PIEZO1: variants seen among roughly 807,000 people sequenced by gnomAD.
The protein encoded by PIEZO1 is piezo-type mechanosensitive ion channel component 1.
In PIEZO1, 296 loss-of-function variants were observed where a neutral mutation model predicts 297.2. That is an observed-to-expected ratio of 1.00 (90% confidence interval 0.91 to 1.10). PIEZO1 has a LOEUF of 1.10. PIEZO1 is among the 50% of genes least tolerant of loss of function. The probability of loss-of-function intolerance (pLI) is 0.00; values close to 1 mark genes in which losing one functional copy is unlikely to be tolerated. For synonymous variants in PIEZO1, 2,427 were observed against 1,507.5 expected (o/e 1.61, Z -14.13); for missense variants, 5,018 against 3,455.5 (o/e 1.45, Z -11.34).
In PIEZO1 at chr16:88,736,348, T is replaced by A; in HGVS notation, c.1357A>T (p.Ile453Phe). The A allele has an allele frequency of 6.5e-7, 1 of 1,549,982 alleles. No homozygotes were observed. Among genetic ancestry groups the A allele is most frequent in the Non-Finnish European group, 8.7e-7 (1 of 1,146,726 alleles). The change falls in exon 12 of 51, where the codon ATC (isoleucine) becomes TTC (phenylalanine). Residue 453 changes from isoleucine to phenylalanine, a missense_variant. Coordinates refer to ENST00000301015, the MANE Select transcript of PIEZO1 (RefSeq NM_001142864.4). ...TFVLLLWACL[I>F]WTVRSRHQLA... is the part of the protein sequence containing the mutation. ...TGGTGGCGGCTGCGCACCGTCCAGA[T>A]GAGGCAGGCCCAGAGCAGCAGTACG...
chr16:88,733,520 G>C, intron 18 of PIEZO1, 66 bp from the exon 19 acceptor site: 1 of 1,530,172 alleles, frequency 6.5e-7, no homozygotes. Context: ...CTGGGCTTGG[G>C]GAGGCCAGCT....
At chr16:88,725,800 G>A (rs972136575) in intron 27 of PIEZO1, 116 bp from the exon 28 acceptor site, 25 of 649,558 alleles carry the variant, frequency 3.8e-5, no homozygotes, top group Admixed American at 2.3e-4. Flanking sequence ...TGCCCACGCT[G>A]GACAAGAGGC....
intron 2 of PIEZO1, among the ~76,000 whole-genome samples, 180 bp downstream of exon 2, chr16:88,749,204 C>A (rs925495439): frequency 6.6e-6 from 1 of 151,758 alleles, no homozygotes; most frequent in Non-Finnish European, 1.5e-5. Context: ...CGCGCCACTG[C>A]ACTCCAGCCT....
rs1905032064 is a variant in PIEZO1 at position 88,733,765 on chromosome 16, A to AGTGCGGGGCAC, written c.2330-31_2330-21dup. The stretch of plus-strand genomic sequence containing the variant: ...CTGCCCCTGTGATGGTGTGAGGGTC[A>AGTGCGGGGCAC]GTGCGGGGCACAAACGGGGATTCCC... On this transcript the variant is annotated intron_variant, in intron 17 of 50. Coordinates refer to ENST00000301015, the MANE Select transcript of PIEZO1 (RefSeq NM_001142864.4). 2 of 1,509,266 alleles carry AGTGCGGGGCAC rather than the reference A, an allele frequency of 1.3e-6. No homozygotes were observed. Among genetic ancestry groups the AGTGCGGGGCAC allele is most frequent in the Non-Finnish European group, 1.8e-6 (2 of 1,123,946 alleles). The allele number at this position is 1,509,266 out of a possible 1,614,324, so 93.5% of individuals were successfully genotyped here. A position where few individuals can be genotyped will look rare whatever the true frequency, so the allele number is the denominator to read the frequency against.
chr16:88,768,143 T>A (rs959249352), intron 1 of PIEZO1, among the ~76,000 whole-genome samples: 2 of 152,064 alleles, frequency 1.3e-5, no homozygotes, highest in Non-Finnish European at 2.9e-5. Context: ...CCAGCCAACC[T>A]CACGGGCCCA....
At chr16:88,772,114 T>C (rs1907451499) in intron 1 of PIEZO1, among the ~76,000 whole-genome samples, 1 of 138,108 alleles carries the variant, frequency 7.2e-6, no homozygotes, top group Admixed American at 7.1e-5. Flanking sequence ...CCTGAGACTC[T>C]GGTCAGGATG....
intron 1 of PIEZO1, 79 bp downstream of exon 1, chr16:88,784,822 G>C (rs973646800): frequency 1.6e-4 from 172 of 1,060,828 alleles, no homozygotes; most frequent in Admixed American, 4.7e-4. Context: ...GCCCCGGCCG[G>C]CGTCGTCCGG....
chr16:88,725,901 T>A, intron 27 of PIEZO1: 1 of 578,342 alleles, frequency 1.7e-6, no homozygotes, highest in Admixed American at 3.2e-5. Context: ...GGGCGTCTGG[T>A]GGCACCCACC....
In PIEZO1 at chr16:88,753,439, G is replaced by A. The variant is rs182631668; in HGVS notation, c.65-3960C>T. ...TCAGCCTTGCCACAGACACCAAGCA[G>A]GGGCAGCCTCACGGGTGGGATGAGA... is the stretch of plus-strand genomic sequence containing the variant. On this transcript the variant is annotated intron_variant, in intron 1 of 50. Transcript: ENST00000301015. 2.0e-3 allele frequency among the ~76,000 whole-genome samples: 305 copies of A among 151,800 alleles called. 2 individuals carry two copies. Among genetic ancestry groups the A allele is most frequent in the African/African-American group, 7.1e-3 (294 of 41,358 alleles).
chr16:88,715,415 G>A lies in PIEZO1; in HGVS notation c.*190C>T, dbSNP rs965396436. The A allele has an allele frequency of 4.9e-5, 46 of 933,190 alleles. No homozygotes were observed. The highest frequency in any genetic ancestry group is 6.1e-5 in the Non-Finnish European group (39 of 634,550). 57.8% of individuals were successfully genotyped at this position (933,190 alleles called of 1,614,324 possible). The stretch of plus-strand genomic sequence containing the variant: ...TACAGTACACGTGGGGGACGGCAGC[G>A]CCACGCAGGCCGTGGGGACGCAGTG... On this transcript the variant is annotated 3_prime_UTR_variant, in exon 51 of 51. Coordinates refer to ENST00000301015, the MANE Select transcript of PIEZO1 (RefSeq NM_001142864.4).
At chr16:88,732,840 C>G (rs1904956535) in intron 19 of PIEZO1, 108 bp from the exon 20 acceptor site, 3 of 1,153,432 alleles carry the variant, frequency 2.6e-6, no homozygotes, top group East Asian at 5.2e-5. Flanking sequence ...TGCTCCCCAG[C>G]CAGGGACACG....
In PIEZO1 at chr16:88,734,474, C is replaced by T. The variant is rs969196199; in HGVS notation, c.2062G>A (p.Gly688Ser). ...SELFSSILVP[G>S]FFLLACILQL... ...AGGATGCAGGCCAGGAGGAAGAAGC[C>T]GGGCACCAGGATGCTGGAGAAGAGC... The change falls in exon 16 of 51, where the codon GGC becomes AGC. Residue 688 changes from glycine to serine, a missense_variant. Physicochemically the swap from Gly to Ser is moderately conservative, Grantham distance 56. Transcript: ENST00000301015. 19 of 1,549,674 alleles carry T rather than the reference C, an allele frequency of 1.2e-5. No homozygotes were observed. The highest frequency in any genetic ancestry group is 2.4e-5 in the South Asian group (2 of 84,038).
At chr16:88,774,034 G>A (rs1025380652) in intron 1 of PIEZO1, among the ~76,000 whole-genome samples, 1 of 152,188 alleles carries the variant, frequency 6.6e-6, no homozygotes, top group African/African-American at 2.4e-5. Flanking sequence ...CCTCTCCCCT[G>A]GCTTGGAAGT....
intron 1 of PIEZO1, 29 bp downstream of exon 1, chr16:88,784,872 T>G: frequency 1.4e-6 from 2 of 1,401,776 alleles, no homozygotes; most frequent in Non-Finnish European, 1.9e-6. Context: ...CCCCCTCCCG[T>G]CGCCCCCAGG....
chr16:88,736,815 G>A (rs967850535), intron 10 of PIEZO1, 76 bp from the exon 11 acceptor site: 49 of 932,044 alleles, frequency 5.3e-5, no homozygotes, highest in Non-Finnish European at 7.7e-5. Flanking sequence ...CCTAAAATCT[G>A]GGCCCTGGGC....
At chr16:88,735,474 C>G (rs769931538) in intron 12 of PIEZO1, among the ~76,000 whole-genome samples, 5 of 152,286 alleles carry the variant, frequency 3.3e-5, no homozygotes, top group African/African-American at 1.2e-4. Context: ...GGTTCACTTG[C>G]GCTCACACGC....
At chr16:88,755,213 C>T (rs535384919) in intron 1 of PIEZO1, among the ~76,000 whole-genome samples, 4 of 152,352 alleles carry the variant, frequency 2.6e-5, no homozygotes, top group Admixed American at 1.3e-4. Flanking sequence ...CCGCCCCCGC[C>T]GCCCCCGCCA....
Position 88,738,284 on chromosome 16 carries a change from T to C in PIEZO1, c.791A>G (p.Tyr264Cys). 1.3e-6 allele frequency: 2 copies of C among 1,535,770 alleles called. No homozygotes were observed. The highest frequency in any genetic ancestry group is 1.7e-6 in the Non-Finnish European group (2 of 1,146,828). ...CTGTGCCAAGGGCATCTGGTAGCAGTAGAGGCAGATGAGATGGCCGGCGCC... is the reference window on the plus strand; with the variant it reads ...CTGTGCCAAGGGCATCTGGTAGCAGCAGAGGCAGATGAGATGGCCGGCGCC... ...CFGAGHLICLYCYQMPLAQAL... is the reference protein window; with the variant it reads ...CFGAGHLICLCCYQMPLAQAL... Residue 264 changes from tyrosine to cysteine, a missense_variant, in exon 7 of 51, where the codon TAC becomes TGC. Physicochemically the swap from Tyr to Cys is radical, Grantham distance 194. Coordinates refer to ENST00000301015, the MANE Select transcript of PIEZO1 (RefSeq NM_001142864.4).
chr16:88,756,957 T>C (rs1049254460), intron 1 of PIEZO1, among the ~76,000 whole-genome samples: 14 of 151,914 alleles, frequency 9.2e-5, no homozygotes, highest in Non-Finnish European at 2.1e-4. Context: ...GCACCTGTAG[T>C]CCCAGCTACT....
Sources: gnomAD v4.1 joint callset for allele counts (sites outside exome capture counted in the v4.1 genomes callset) on GRCh38, gnomAD v4.1.1 for gene constraint, MANE v1.5 for transcripts, NCBI Gene and HGNC (gene_info 2026-07-23, HGNC 2026-07-21) for gene names.